BLK: variants seen among roughly 807,000 people sequenced by gnomAD.
BLK encodes the protein BLK proto-oncogene, Src family tyrosine kinase.
Under a neutral mutation model 61.8 loss-of-function variants are expected in BLK, and 64 were observed. That is an observed-to-expected ratio of 1.03 (90% CI 0.85 to 1.27). The LOEUF (loss-of-function observed/expected upper bound fraction) is 1.27, where lower values mean the gene tolerates loss of function less well. Among genes scored for constraint, BLK ranks in the 50% most tolerant of loss-of-function variants. The probability of loss-of-function intolerance (pLI) is 0.00; values close to 1 mark genes in which losing one functional copy is unlikely to be tolerated. For missense variants in BLK, 853 were observed against 660.5 expected (o/e 1.29, Z -3.19); for synonymous variants, 351 against 272.0 (o/e 1.29, Z -2.86).
At chr8:11,537,356 G>A (rs1800175636) in intron 1 of BLK, among the ~76,000 whole-genome samples, 1 of 152,134 alleles carries the variant, frequency 6.6e-6, no homozygotes, top group African/African-American at 2.4e-5. Flanking sequence ...CGACACCCAG[G>A]GTGAGTCCCA....
chr8:11,517,146 C>G (rs906393040), intron 1 of BLK, among the ~76,000 whole-genome samples: 4 of 152,090 alleles, frequency 2.6e-5, no homozygotes, highest in Non-Finnish European at 4.4e-5. Flanking sequence ...AAGAGGAGAG[C>G]AGGGAGGAGT....
At chr8:11,524,910 CT>C (rs1799593260) in intron 1 of BLK, among the ~76,000 whole-genome samples, 2 of 123,130 alleles carry the variant, frequency 1.6e-5, no homozygotes. Context: ...TCCCATTTTG[CT>C]TTTTTACAAA....
At chr8:11,526,721 A>G (rs1216925875) in intron 1 of BLK, among the ~76,000 whole-genome samples, 2 of 152,372 alleles carry the variant, frequency 1.3e-5, no homozygotes, top group East Asian at 3.9e-4. Context: ...TCTGTCTCAA[A>G]AAAACAAAAA....
intron 1 of BLK, among the ~76,000 whole-genome samples, chr8:11,541,514 T>C (rs80219294): frequency 3.4e-5 from 5 of 146,254 alleles, no homozygotes; most frequent in African/African-American, 1.2e-4. Flanking sequence ...TTTTTTTTTT[T>C]CGAGATGGAG....
chr8:11,529,916 AC>A (rs1446872565), intron 1 of BLK, among the ~76,000 whole-genome samples: 3 of 152,168 alleles, frequency 2.0e-5, no homozygotes, highest in Non-Finnish European at 2.9e-5. Flanking sequence ...CAGGTGAATA[AC>A]CCCAAAAATC....
chr8:11,545,987 C>G, intron 2 of BLK, 65 bp from the exon 3 acceptor site: 1 of 1,564,448 alleles, frequency 6.4e-7, no homozygotes, highest in Non-Finnish European at 8.8e-7. Context: ...TCAGCAGTCT[C>G]AACCCCCAGG....
At chr8:11,508,761 CT>C (rs1798878933) in intron 1 of BLK, among the ~76,000 whole-genome samples, 1 of 152,238 alleles carries the variant, frequency 6.6e-6, no homozygotes, top group Non-Finnish European at 1.5e-5. Context: ...GCACCCATCT[CT>C]CCTTCTGACC....
chr8:11,500,317 C>T (rs982444658), intron 1 of BLK, among the ~76,000 whole-genome samples: 2 of 152,044 alleles, frequency 1.3e-5, no homozygotes, highest in African/African-American at 4.8e-5. Flanking sequence ...CCTCAGCCTC[C>T]CGAGTAGCTA....
intron 1 of BLK, among the ~76,000 whole-genome samples, chr8:11,541,255 G>A (rs1380019948): frequency 1.3e-5 from 2 of 152,172 alleles, no homozygotes; most frequent in African/African-American, 4.8e-5. Context: ...GCAACAGAGT[G>A]AGACACTGTC....
At chr8:11,557,460 A>G (rs905961279) in intron 9 of BLK, among the ~76,000 whole-genome samples, 1 of 152,186 alleles carries the variant, frequency 6.6e-6, no homozygotes, top group Non-Finnish European at 1.5e-5. Flanking sequence ...TAGGGCAAGC[A>G]TCCATCCCTC....
chr8:11,552,267 G>T (rs976998263), intron 6 of BLK, among the ~76,000 whole-genome samples: 1 of 152,200 alleles, frequency 6.6e-6, no homozygotes, highest in African/African-American at 2.4e-5. Flanking sequence ...AGGCCTTGGT[G>T]CCCCACAAAG....
intron 6 of BLK, chr8:11,552,713 T>G (rs951739972): frequency 2.6e-5 from 4 of 152,168 alleles, no homozygotes; most frequent in Admixed American, 1.3e-4. Flanking sequence ...CATTGCCTAT[T>G]GCTAAGGTGA....
At chr8:11,521,719 G>A (rs755114265) in intron 1 of BLK, among the ~76,000 whole-genome samples, 1 of 152,166 alleles carries the variant, frequency 6.6e-6, no homozygotes, top group Non-Finnish European at 1.5e-5. Flanking sequence ...CCCTGGAGAC[G>A]CACAGTGCCT....
intron 9 of BLK, among the ~76,000 whole-genome samples, chr8:11,557,408 C>T (rs1040164404): frequency 6.6e-6 from 1 of 152,174 alleles, no homozygotes; most frequent in Non-Finnish European, 1.5e-5. Flanking sequence ...ACCAAGGGGC[C>T]CCCGGTCGGA....
At chr8:11,544,323 C>A (rs920207339) in intron 2 of BLK, among the ~76,000 whole-genome samples, 2 of 152,116 alleles carry the variant, frequency 1.3e-5, no homozygotes, top group Non-Finnish European at 2.9e-5. Context: ...CAGTGACCCC[C>A]TTTTGGTTTG....
chr8:11,562,971 T>C lies in BLK; in HGVS notation c.1181-8T>C, dbSNP rs1801560829. ...GGCCTCCCAAAGCTTGCATGGCTTT[T>C]CCCACAGGGGCCAAGTTCCCCATCA... On this transcript the variant is annotated splice_polypyrimidine_tract_variant and splice_region_variant and intron_variant, in intron 11 of 12. Transcript: ENST00000259089. 1 of 1,613,890 alleles carries C rather than the reference T, an allele frequency of 6.2e-7. No individual in the cohort carries two copies. The highest frequency in any genetic ancestry group is 1.3e-5 in the African/African-American group (1 of 74,944).
At chr8:11,519,573 A>G (rs1266482834) in intron 1 of BLK, among the ~76,000 whole-genome samples, 1 of 152,260 alleles carries the variant, frequency 6.6e-6, no homozygotes, top group Non-Finnish European at 1.5e-5. Context: ...AAGTTTATGT[A>G]CAGCATCGTA....
chr8:11,542,186 G>T (rs1273102995), intron 1 of BLK, among the ~76,000 whole-genome samples: 1 of 152,110 alleles, frequency 6.6e-6, no homozygotes, highest in African/African-American at 2.4e-5. Context: ...ATTTAATTAT[G>T]TATCACTAAA....
intron 2 of BLK, among the ~76,000 whole-genome samples, chr8:11,544,351 G>C (rs1358205611): frequency 6.6e-6 from 1 of 152,122 alleles, no homozygotes. Flanking sequence ...TGGGAGCCTT[G>C]CCGCGACCCC....
Sources: gnomAD v4.1 joint callset for allele counts (sites outside exome capture counted in the v4.1 genomes callset) on GRCh38, gnomAD v4.1.1 for gene constraint, MANE v1.5 for transcripts, NCBI Gene and HGNC (gene_info 2026-07-23, HGNC 2026-07-21) for gene names.